The following LINGO2 variants were observed in gnomAD, a reference collection of about 807,000 sequenced individuals.
LINGO2 encodes leucine-rich repeat and immunoglobulin-like domain-containing nogo receptor-interacting protein 2.
A neutral mutation model predicts 30.6 loss-of-function variants in LINGO2; 14 were observed. The observed-to-expected ratio is 0.46, with a 90% CI of 0.30 to 0.72. The LOEUF is 0.72. Among genes scored for constraint, LINGO2 ranks in the 30% least tolerant of loss-of-function variants. The probability of loss-of-function intolerance (pLI) is 0.07; values close to 1 mark genes in which losing one functional copy is unlikely to be tolerated. For missense variants in LINGO2, 729 were observed against 751.7 expected, an observed-to-expected ratio of 0.97 and a Z score of 0.35; for synonymous variants, 317 against 288.5, an observed-to-expected ratio of 1.10 and a Z score of -1.00.
chr9:28,644,737 C>G (rs1431461644), intron 1 of LINGO2, among the ~76,000 whole-genome samples: 2 of 151,886 alleles, frequency 1.3e-5, no homozygotes, highest in Non-Finnish European at 2.9e-5. Context: ...GGAACAGAAG[C>G]CCCATTTTCC....
chr9:28,024,755 G>A (rs1823296057), intron 4 of LINGO2, among the ~76,000 whole-genome samples: 1 of 152,198 alleles, frequency 6.6e-6, no homozygotes, highest in Non-Finnish European at 1.5e-5. Context: ...GGAGCCACAT[G>A]GTGAATGTGA....
the LINGO2 span, chr9:28,888,853 A>C: frequency 1.9e-6 from 1 of 533,252 alleles, no homozygotes; most frequent in Admixed American, 1.9e-5. Context: ...TGTCCATTGC[A>C]AAGCAGTAGA....
chr9:28,485,473 T>C (rs1278379480), intron 1 of LINGO2, among the ~76,000 whole-genome samples: 4 of 152,030 alleles, frequency 2.6e-5, no homozygotes, highest in African/African-American at 9.7e-5. Context: ...TAAATGATAA[T>C]GACATTAAAT....
In LINGO2 at chr9:28,050,832, T is replaced by A. The variant is rs553437152; in HGVS notation, c.-86-38427A>T. 2.4e-4 allele frequency among the ~76,000 whole-genome samples: 36 copies of A among 151,040 alleles called. No individual in the cohort carries two copies. The South Asian group carries it at 7.4e-3, about 31-fold the overall frequency. ...CATTCACATAGAGGAATAACATGTG[T>A]AAGTGGGGCAAATGTTCAATTTGGT... On this transcript the variant is annotated intron_variant, in intron 4 of 5. Coordinates refer to ENST00000379992, the Ensembl canonical transcript of LINGO2.
the LINGO2 span, among the ~76,000 whole-genome samples, chr9:28,823,669 A>C: frequency 6.6e-6 from 1 of 152,310 alleles, no homozygotes; most frequent in East Asian, 1.9e-4. Flanking sequence ...GCCCCAGCCC[A>C]TACATAGCCC....
intron 4 of LINGO2, among the ~76,000 whole-genome samples, chr9:28,055,730 TA>T (rs1824903986): frequency 6.6e-6 from 1 of 152,206 alleles, no homozygotes; most frequent in Admixed American, 6.6e-5. Flanking sequence ...AAAAGATATG[TA>T]CTCAAAGACA....
At chr9:28,762,063 TTTCTAA>T in the LINGO2 span, among the ~76,000 whole-genome samples, 1 of 152,054 alleles carries the variant, frequency 6.6e-6, no homozygotes, top group African/African-American at 2.4e-5. Context: ...GAAGATTTTC[TTTCTAA>T]TTCTATTTCC....
intron 5 of LINGO2, among the ~76,000 whole-genome samples, chr9:27,987,664 T>G (rs541535857): frequency 6.6e-6 from 1 of 152,046 alleles, no homozygotes; most frequent in South Asian, 2.1e-4. Context: ...GTTGTCTATG[T>G]AGGTAACTCC....
At chr9:28,796,247 T>C in the LINGO2 span, among the ~76,000 whole-genome samples, 2 of 152,276 alleles carry the variant, frequency 1.3e-5, no homozygotes, top group South Asian at 4.1e-4. Context: ...CTAGCTATAA[T>C]ATCCCATGCA....
intron 4 of LINGO2, among the ~76,000 whole-genome samples, chr9:28,091,540 A>G (rs1244064383): frequency 6.6e-6 from 1 of 152,218 alleles, no homozygotes; most frequent in Non-Finnish European, 1.5e-5. Context: ...TACCTTATAC[A>G]AAAATTAATT....
chr9:28,184,786 T>C (rs1321420277), intron 4 of LINGO2, among the ~76,000 whole-genome samples: 2 of 151,982 alleles, frequency 1.3e-5, no homozygotes, highest in African/African-American at 4.8e-5. Flanking sequence ...AGAAAGCAAA[T>C]TGGAAAAGGC....
chr9:28,361,642 AT>A (rs1354448395), intron 3 of LINGO2, among the ~76,000 whole-genome samples: 1 of 151,660 alleles, frequency 6.6e-6, no homozygotes, highest in Non-Finnish European at 1.5e-5. Context: ...AAGGGCCTTG[AT>A]TTTTGAACAA....
the LINGO2 span, chr9:27,940,417 G>GTTTTCAGA: frequency 6.6e-6 from 1 of 152,124 alleles, no homozygotes; most frequent in African/African-American, 2.4e-5. Flanking sequence ...AGAAGCCAGT[G>GTTTTCAGA]TTTTCAGATT....
chr9:27,986,168 A>G (rs968767708), intron 5 of LINGO2, among the ~76,000 whole-genome samples: 14 of 151,680 alleles, frequency 9.2e-5, no homozygotes, highest in Non-Finnish European at 1.9e-4. Flanking sequence ...GGAGAAAAAA[A>G]AAACAGCCAG....
At chr9:29,168,238 G>C in the LINGO2 span, among the ~76,000 whole-genome samples, 1 of 150,570 alleles carries the variant, frequency 6.6e-6, no homozygotes, top group Non-Finnish European at 1.5e-5. Context: ...ATAAATGTGA[G>C]ACAAACCAAA....
chr9:28,405,279 T>C (rs1331099638), intron 2 of LINGO2, among the ~76,000 whole-genome samples: 2 of 152,162 alleles, frequency 1.3e-5, no homozygotes, highest in Non-Finnish European at 2.9e-5. Flanking sequence ...GTATTATTAT[T>C]CGACATTGTT....
intron 2 of LINGO2, among the ~76,000 whole-genome samples, chr9:28,474,871 TG>T (rs769581742): frequency 2.0e-5 from 3 of 152,116 alleles, no homozygotes; most frequent in Non-Finnish European, 4.4e-5. Context: ...GTATGAAAAA[TG>T]TTATATAAAT....
At chr9:28,551,024 A>G (rs1822252312) in intron 1 of LINGO2, among the ~76,000 whole-genome samples, 1 of 151,864 alleles carries the variant, frequency 6.6e-6, no homozygotes, top group African/African-American at 2.4e-5. Context: ...ATTGCTTGTA[A>G]TCTTCAGAGT....
At chr9:28,264,784 G>C (rs1822687580) in intron 4 of LINGO2, among the ~76,000 whole-genome samples, 1 of 151,914 alleles carries the variant, frequency 6.6e-6, no homozygotes, top group Non-Finnish European at 1.5e-5. Flanking sequence ...AATTGGCTAG[G>C]CTAGTTATTA....
Sources: allele counts gnomAD v4.1 joint callset (sites outside exome capture counted in the v4.1 genomes callset), GRCh38; gene constraint gnomAD v4.1.1; transcripts MANE v1.5; gene names NCBI Gene and HGNC (gene_info 2026-07-23, HGNC 2026-07-21).